The following GSE1 variants were observed in gnomAD, a reference collection of about 807,000 sequenced individuals.
GSE1 encodes the protein genetic suppressor element 1.
A neutral mutation model predicts 112.6 loss-of-function variants in GSE1; 32 were observed. The observed-to-expected ratio is 0.28, with a 90% CI of 0.21 to 0.38. GSE1 has a LOEUF of 0.38. Among genes scored for constraint, GSE1 ranks in the 10% least tolerant of loss-of-function variants. The probability of loss-of-function intolerance (pLI) is 1.00; values close to 1 mark genes in which losing one functional copy is unlikely to be tolerated. For synonymous variants in GSE1, 1,115 were observed against 735.6 expected (o/e 1.52, Z -8.35); for missense variants, 2,348 against 1,699.2 (o/e 1.38, Z -6.71).
At chr16:85,601,608 A>G (rs1381828321) in intron 1 of GSE1, among the ~76,000 whole-genome samples, 1 of 152,192 alleles carries the variant, frequency 6.6e-6, no homozygotes, top group African/African-American at 2.4e-5. Context: ...CAGGCGGCTG[A>G]CTAAAAATCT....
chr16:85,507,747 C>G (rs568990873), intron 2 of GSE1, among the ~76,000 whole-genome samples: 1 of 152,326 alleles, frequency 6.6e-6, no homozygotes, highest in South Asian at 2.1e-4. Flanking sequence ...TCCAAAGGCT[C>G]TGTCTCCAAA....
intron 1 of GSE1, among the ~76,000 whole-genome samples, chr16:85,347,333 G>C (rs1462749684): frequency 1.3e-5 from 2 of 152,138 alleles, no homozygotes; most frequent in Non-Finnish European, 2.9e-5. Flanking sequence ...AAGGTCTCAG[G>C]GCCTCCACAT....
intron 2 of GSE1, among the ~76,000 whole-genome samples, chr16:85,434,578 G>A (rs2049199866): frequency 6.6e-6 from 1 of 152,184 alleles, no homozygotes; most frequent in Non-Finnish European, 1.5e-5. Context: ...AGCACTTGGG[G>A]AGGCTGAGAC....
intron 1 of GSE1, among the ~76,000 whole-genome samples, chr16:85,353,835 C>G (rs900503513): frequency 6.6e-6 from 1 of 152,220 alleles, no homozygotes. Flanking sequence ...GTTTCCCCTC[C>G]TGGCCCCTGC....
chr16:85,371,316 G>A (rs988137416), intron 2 of GSE1, among the ~76,000 whole-genome samples: 4 of 152,234 alleles, frequency 2.6e-5, no homozygotes, highest in African/African-American at 9.6e-5. Context: ...GCGCCATGGA[G>A]GAGCCAGGGA....
intron 2 of GSE1, among the ~76,000 whole-genome samples, chr16:85,425,726 A>C (rs1207443341): frequency 1.3e-5 from 2 of 151,954 alleles, no homozygotes; most frequent in Non-Finnish European, 2.9e-5. Context: ...CTGACCACTT[A>C]CCACTAGGAA....
At chr16:85,331,950 C>G (rs1349580013) in intron 1 of GSE1, among the ~76,000 whole-genome samples, 1 of 151,988 alleles carries the variant, frequency 6.6e-6, no homozygotes, top group African/African-American at 2.4e-5. Context: ...CTTGGGGCCT[C>G]TGGAGGAAGG....
intron 2 of GSE1, among the ~76,000 whole-genome samples, chr16:85,485,900 C>G (rs2050820125): frequency 6.6e-6 from 1 of 152,336 alleles, no homozygotes; most frequent in East Asian, 1.9e-4. Context: ...CAAACACACA[C>G]AGAGAGGGAG....
exon 1 of GSE1, chr16:85,170,628 C>T (rs1178381428): frequency 6.1e-6 from 6 of 985,352 alleles, no homozygotes; most frequent in African/African-American, 3.5e-5. Flanking sequence ...AAGGCCTTTG[C>T]TGCTACATCT....
intron 2 of GSE1, among the ~76,000 whole-genome samples, chr16:85,477,975 G>A (rs772037817): frequency 7.2e-5 from 11 of 151,958 alleles, no homozygotes; most frequent in Non-Finnish European, 1.5e-4. Flanking sequence ...ATTTCAGAAC[G>A]TTCCCGTCAC....
In GSE1 at chr16:85,286,203, C is replaced by T. The variant is rs2045019837; in HGVS notation, c.2284-71260C>T. ...GGGCCCCGTGCTCCGAGCATGTTAG[C>T]GGGAGGAGGACACAGTGGCCACTTG... On this transcript the variant is annotated intron_variant, in intron 1 of 2. Coordinates refer to the GSE1 transcript ENST00000637419. Among the ~76,000 whole-genome samples the T allele has an allele frequency of 4.6e-5, 7 of 152,224 alleles. No homozygotes were observed. In the South Asian group the frequency reaches 1.4e-3, roughly 31 times the overall value.
chr16:85,254,554 T>A (rs1052751114), intron 1 of GSE1, among the ~76,000 whole-genome samples: 1 of 152,182 alleles, frequency 6.6e-6, no homozygotes, highest in African/African-American at 2.4e-5. Flanking sequence ...GACTCTGGGC[T>A]CTTAGCTTCT....
intron 2 of GSE1, among the ~76,000 whole-genome samples, chr16:85,404,950 T>A (rs56243210): frequency 0.25 from 349 of 1,386 alleles, 2 homozygotes; most frequent in Middle Eastern, 0.5. Flanking sequence ...TCACTGTTAC[T>A]CTCAGGCCCC....
At chr16:85,329,737 C>T (rs1597403248) in intron 1 of GSE1, among the ~76,000 whole-genome samples, 1 of 151,780 alleles carries the variant, frequency 6.6e-6, no homozygotes, top group African/African-American at 2.4e-5. Flanking sequence ...AAACACCAGG[C>T]GCTTCCTTTC....
chr16:85,428,466 TA>T (rs1281840654), intron 2 of GSE1, among the ~76,000 whole-genome samples: 2 of 152,184 alleles, frequency 1.3e-5, no homozygotes, highest in African/African-American at 2.4e-5. Flanking sequence ...TGCTTAGCTG[TA>T]AAATGGGGCG....
intron 1 of GSE1, among the ~76,000 whole-genome samples, chr16:85,572,121 C>G (rs1290322559): frequency 1.3e-5 from 2 of 149,194 alleles, no homozygotes; most frequent in South Asian, 4.3e-4. Flanking sequence ...ACACAACGCA[C>G]ACACACACAC....
rs1471374222 is a variant in GSE1, at chr16:85,666,106, C to G, written c.2889C>G (p.Val963=). The G allele has an allele frequency of 3.7e-6, 6 of 1,613,100 alleles. No individual in the cohort carries two copies. The highest frequency in any genetic ancestry group is 4.2e-6 in the Non-Finnish European group (5 of 1,179,942). The change falls in exon 13 of 16, where the codon GTC becomes GTG. Residue 963 remains valine, a synonymous_variant. Coordinates refer to ENST00000253458, the MANE Select transcript of GSE1 (RefSeq NM_014615.5). The stretch of plus-strand genomic sequence containing the variant: ...TCCGGCCCCAGGAGCTGTCGAGAGT[C>G]CAGGAGCTAGCTCCTGCCAGCGGGG... ...EQVRPQELSR[V]QELAPASGEK...
At position 85,623,276 on chromosome 16, in the gene GSE1, G is replaced by A. The variant is rs35173912; in HGVS notation, c.7+9878G>A. 6.5e-3 allele frequency among the ~76,000 whole-genome samples: 964 copies of A among 148,942 alleles called. 12 individuals are homozygous for A. The highest frequency in any genetic ancestry group is 8.3e-3 in the Admixed American group (124 of 14,898). On this transcript the variant is annotated intron_variant, in intron 1 of 15. Coordinates refer to ENST00000253458, the MANE Select transcript of GSE1 (RefSeq NM_014615.5). The stretch of plus-strand genomic sequence containing the variant: ...GTCACCTACATTGCAGTGCAGTCGC[G>A]CAATCACAACTCAAGGCAGCCTCAA...
At chr16:85,670,078 T>C (rs1330330598) in intron 14 of GSE1, among the ~76,000 whole-genome samples, 1 of 152,236 alleles carries the variant, frequency 6.6e-6, no homozygotes, top group African/African-American at 2.4e-5. Flanking sequence ...TCCATGAATA[T>C]GGTACAAAAC....
Sources: allele counts gnomAD v4.1 joint callset (sites outside exome capture counted in the v4.1 genomes callset), GRCh38; gene constraint gnomAD v4.1.1; transcripts MANE v1.5; gene names NCBI Gene and HGNC (gene_info 2026-07-23, HGNC 2026-07-21).